MGAT4C: variants seen among roughly 807,000 people sequenced by gnomAD.
The protein encoded by MGAT4C is MGAT4 family member C, also known as alpha-1,3-mannosyl-glycoprotein 4-beta-N-acetylglucosaminyltransferase C.
A neutral mutation model predicts 40.1 loss-of-function variants in MGAT4C; 19 were observed. The ratio of observed to expected loss-of-function variants is 0.47; its 90% CI spans 0.33 to 0.70. The LOEUF is 0.70. MGAT4C is among the 30% of genes least tolerant of loss of function. MGAT4C has a pLI of 0.02. For missense variants in MGAT4C, 491 were observed against 563.2 expected (o/e 0.87, Z 1.30); for synonymous variants, 181 against 187.1 (o/e 0.97, Z 0.27).
At chr12:86,658,467 C>A (rs1963900457) in intron 2 of MGAT4C, among the ~76,000 whole-genome samples, 1 of 151,908 alleles carries the variant, frequency 6.6e-6, no homozygotes, top group East Asian at 1.9e-4. Context: ...GGAAATATGC[C>A]TGATTCATTT....
chr12:85,992,338 G>T (rs906548417), intron 2 of MGAT4C, among the ~76,000 whole-genome samples: 1 of 152,088 alleles, frequency 6.6e-6, no homozygotes, highest in East Asian at 1.9e-4. Context: ...CTGTCACATA[G>T]GACTGAAAGG....
At position 86,802,450 on chromosome 12, in the gene MGAT4C, A is replaced by G. The variant is rs1435712340; in HGVS notation, c.-262+36216T>C. Among the ~76,000 whole-genome samples the G allele has an allele frequency of 1.1e-4, 17 of 152,042 alleles. 1 individual carries two copies. Among genetic ancestry groups the G allele is most frequent in the South Asian group, 4.1e-4 (2 of 4,830 alleles). ...GCCTACAGTTTGAAAATGATCATTCATTAATTTATTCACTAATTATTTCAA... is the reference window on the plus strand; with the variant it reads ...GCCTACAGTTTGAAAATGATCATTCGTTAATTTATTCACTAATTATTTCAA... On this transcript the variant is annotated intron_variant, in intron 1 of 7. Coordinates refer to the MGAT4C transcript ENST00000548651.
At chr12:86,324,755 C>T (rs1954486361) in intron 4 of MGAT4C, among the ~76,000 whole-genome samples, 1 of 151,684 alleles carries the variant, frequency 6.6e-6, no homozygotes, top group Admixed American at 6.6e-5. Context: ...ATTTCTTTTC[C>T]AGAAACATTT....
intron 2 of MGAT4C, among the ~76,000 whole-genome samples, chr12:86,552,026 C>CAAAAAAAAAAAAAAAAAAAAA (rs201076856): frequency 1.6e-5 from 1 of 60,664 alleles, no homozygotes; most frequent in Admixed American, 1.7e-4. Context: ...TTAAAAAAAG[C>CAAAAAAAAAAAAAAAAAAAAA]AAAAAAAAAA....
intron 2 of MGAT4C, among the ~76,000 whole-genome samples, chr12:86,595,318 G>T (rs565486835): frequency 6.6e-6 from 1 of 152,170 alleles, no homozygotes; most frequent in South Asian, 2.1e-4. Flanking sequence ...ATAACCTGAG[G>T]TCAGGAGTTC....
intron 3 of MGAT4C, among the ~76,000 whole-genome samples, chr12:86,338,282 G>A (rs1954832001): frequency 6.6e-6 from 1 of 152,124 alleles, no homozygotes; most frequent in African/African-American, 2.4e-5. Context: ...CAGTTCCTGA[G>A]TGGGGGCTAC....
At chr12:86,084,015 A>G (rs1191851991) in intron 1 of MGAT4C, among the ~76,000 whole-genome samples, 1 of 148,040 alleles carries the variant, frequency 6.8e-6, no homozygotes, top group African/African-American at 2.5e-5. Context: ...TCCCAAGCAC[A>G]TGGCTTAAGC....
At chr12:86,820,312 C>A (rs1566013657) in intron 1 of MGAT4C, among the ~76,000 whole-genome samples, 1 of 150,736 alleles carries the variant, frequency 6.6e-6, no homozygotes, top group East Asian at 1.9e-4. Flanking sequence ...TGGGAAGACC[C>A]CATTTATAAT....
chr12:86,269,044 A>C (rs1224574155), intron 4 of MGAT4C, among the ~76,000 whole-genome samples: 1 of 136,204 alleles, frequency 7.3e-6, no homozygotes, highest in Non-Finnish European at 1.6e-5. Flanking sequence ...ATATATATAT[A>C]TATATATATA....
intron 3 of MGAT4C, among the ~76,000 whole-genome samples, chr12:86,388,040 C>A (rs1956089036): frequency 6.6e-6 from 1 of 152,156 alleles, no homozygotes; most frequent in South Asian, 2.1e-4. Flanking sequence ...TCAGACATGG[C>A]TGCTGAAATG....
intron 1 of MGAT4C, among the ~76,000 whole-genome samples, chr12:86,126,238 AGT>A (rs1281572984): frequency 6.6e-6 from 1 of 151,968 alleles, no homozygotes; most frequent in African/African-American, 2.4e-5. Context: ...TTAAAAATAA[AGT>A]GTCTCATATT....
chr12:86,635,228 T>C (rs1345359695), intron 2 of MGAT4C, among the ~76,000 whole-genome samples: 6 of 152,132 alleles, frequency 3.9e-5, no homozygotes, highest in African/African-American at 1.2e-4. Context: ...GGTTTTTGCA[T>C]TGTCAGAAAG....
intron 4 of MGAT4C, among the ~76,000 whole-genome samples, chr12:86,281,388 T>A (rs76877535): frequency 1.3e-5 from 2 of 151,926 alleles, no homozygotes; most frequent in African/African-American, 4.8e-5. Context: ...AAAATATATA[T>A]CCATTTTGTT....
rs560836950 is a variant in MGAT4C at position 86,514,484 on chromosome 12, G to T, written c.-228-79219C>A. Among the ~76,000 whole-genome samples the T allele has an allele frequency of 3.9e-5, 6 of 152,204 alleles. No individual in the cohort carries two copies. The South Asian group carries it at 1.0e-3, about 26-fold the overall frequency. On this transcript the variant is annotated intron_variant, in intron 2 of 7. Coordinates refer to the MGAT4C transcript ENST00000548651. ...TTCCTGAGGCTCTATGGGATAATCT[G>T]CATGTTTTCCCTTTTCAGTTTTTAG...
chr12:86,108,203 C>T (rs1474476790), intron 1 of MGAT4C, among the ~76,000 whole-genome samples: 2 of 152,010 alleles, frequency 1.3e-5, no homozygotes, highest in Non-Finnish European at 2.9e-5. Flanking sequence ...GTCAGACAAG[C>T]CCCCTAATAC....
chr12:86,328,260 A>C (rs2136170261), intron 4 of MGAT4C, among the ~76,000 whole-genome samples: 1 of 152,310 alleles, frequency 6.6e-6, no homozygotes. Flanking sequence ...ATGTTTCTAA[A>C]CTTTGAGAAT....
At chr12:86,396,398 G>A (rs181122588) in intron 3 of MGAT4C, among the ~76,000 whole-genome samples, 22 of 127,306 alleles carry the variant, frequency 1.7e-4, no homozygotes, top group African/African-American at 4.7e-4. Context: ...GCACAAAGGC[G>A]TGGAGATTAT....
At chr12:86,519,045 G>A (rs1278945813) in intron 2 of MGAT4C, among the ~76,000 whole-genome samples, 2 of 152,164 alleles carry the variant, frequency 1.3e-5, no homozygotes, top group African/African-American at 4.8e-5. Flanking sequence ...AGTCTGAATG[G>A]AAGGCGGAGA....
At chr12:86,822,268 T>C (rs1165207884) in intron 1 of MGAT4C, among the ~76,000 whole-genome samples, 3 of 150,846 alleles carry the variant, frequency 2.0e-5, no homozygotes, top group East Asian at 1.9e-4. Context: ...AAAACACACA[T>C]GAAGACAGTG....
Sources: allele counts gnomAD v4.1 joint callset (sites outside exome capture counted in the v4.1 genomes callset), GRCh38; gene constraint gnomAD v4.1.1; transcripts MANE v1.5; gene names NCBI Gene and HGNC (gene_info 2026-07-23, HGNC 2026-07-21).